VTI1A: variants seen among roughly 807,000 people sequenced by gnomAD.
The protein encoded by VTI1A is vesicle transport through interaction with t-SNAREs 1A.
Under a neutral mutation model 34.9 loss-of-function variants are expected in VTI1A, and 22 were observed. The observed-to-expected ratio is 0.63, with a 90% confidence interval of 0.45 to 0.90. VTI1A has a LOEUF of 0.90. VTI1A is among the 40% of genes least tolerant of loss of function. The probability of loss-of-function intolerance (pLI) is 0.00; values close to 1 mark genes in which losing one functional copy is unlikely to be tolerated. For synonymous variants in VTI1A, 87 were observed against 97.3 expected, an observed-to-expected ratio of 0.89 and a Z score of 0.62; for missense variants, 268 against 275.6, an observed-to-expected ratio of 0.97 and a Z score of 0.20.
chr10:112,562,005 T>TA (rs1437302863), intron 5 of VTI1A, among the ~76,000 whole-genome samples: 2 of 152,232 alleles, frequency 1.3e-5, no homozygotes, highest in Non-Finnish European at 2.9e-5. Flanking sequence ...GCCCCTGAGA[T>TA]ACAACTTTTT....
chr10:112,486,881 A>G (rs1204350623), intron 3 of VTI1A, among the ~76,000 whole-genome samples: 1 of 151,414 alleles, frequency 6.6e-6, no homozygotes. Context: ...TTCCACATCC[A>G]CATTCTTCTA....
In VTI1A at chr10:112,796,096, G is replaced by A. The variant is rs572356242; in HGVS notation, c.561-19194G>A. ...TTGGATTGCCAAGAAGCCAATATGG[G>A]GGATCTAAAAGCTGTCACGGGGCCA... is the stretch of plus-strand genomic sequence containing the variant. On this transcript the variant is annotated intron_variant, in intron 7 of 7. Transcript: ENST00000393077. 2.6e-5 allele frequency among the ~76,000 whole-genome samples: 4 copies of A among 152,154 alleles called. No homozygotes were observed. The South Asian group carries it at 8.3e-4, about 32-fold the overall frequency.
At chr10:112,603,501 G>A (rs1262950768) in intron 5 of VTI1A, among the ~76,000 whole-genome samples, 1 of 152,044 alleles carries the variant, frequency 6.6e-6, no homozygotes, top group Non-Finnish European at 1.5e-5. Flanking sequence ...AACCATTTCA[G>A]TAGTAATAGT....
At chr10:112,737,850 A>G (rs1850550222) in intron 7 of VTI1A, 2 of 1,059,786 alleles carry the variant, frequency 1.9e-6, no homozygotes, top group African/African-American at 1.6e-5. Flanking sequence ...TTTCCTGTTT[A>G]TCGTTGGTTT....
chr10:112,575,581 T>C (rs1373342931), intron 5 of VTI1A, among the ~76,000 whole-genome samples: 4 of 152,228 alleles, frequency 2.6e-5, no homozygotes, highest in Non-Finnish European at 5.9e-5. Context: ...TAGGGAAACA[T>C]GCTGGCTCTG....
chr10:112,759,240 G>A (rs1176990408), intron 7 of VTI1A, among the ~76,000 whole-genome samples: 1 of 152,284 alleles, frequency 6.6e-6, no homozygotes, highest in Middle Eastern at 3.4e-3. Context: ...TTCACCAGAG[G>A]AAGCCAGCTT....
intron 5 of VTI1A, among the ~76,000 whole-genome samples, chr10:112,569,752 T>G (rs1441434423): frequency 6.6e-6 from 1 of 152,174 alleles, no homozygotes; most frequent in Non-Finnish European, 1.5e-5. Flanking sequence ...AAAACACAGC[T>G]TCCTGGGTGC....
intron 7 of VTI1A, among the ~76,000 whole-genome samples, chr10:112,763,476 A>G (rs1346729890): frequency 1.3e-5 from 2 of 151,144 alleles, no homozygotes; most frequent in Non-Finnish European, 2.9e-5. Flanking sequence ...CCTTTGTTAC[A>G]AGTCTGATGT....
At chr10:112,707,279 C>T (rs1390077579) in intron 7 of VTI1A, among the ~76,000 whole-genome samples, 1 of 152,074 alleles carries the variant, frequency 6.6e-6, no homozygotes. Flanking sequence ...GGTGATCCTC[C>T]CATCTCAGCC....
intron 7 of VTI1A, among the ~76,000 whole-genome samples, chr10:112,707,872 G>GAAC (rs1466593330): frequency 1.3e-5 from 2 of 152,182 alleles, no homozygotes; most frequent in Non-Finnish European, 2.9e-5. Flanking sequence ...ATAAAAGTCT[G>GAAC]TTTGGTTCAT....
intron 5 of VTI1A, among the ~76,000 whole-genome samples, chr10:112,664,775 C>T (rs772759079): frequency 4.3e-4 from 65 of 152,098 alleles, no homozygotes; most frequent in Non-Finnish European, 7.4e-4. Context: ...TGTTTGAGAG[C>T]TCTACTCCCA....
rs140139908 is a variant in VTI1A at position 112,592,200 on chromosome 10, C to A, written c.427+53870C>A. ...CCACTGGAAATGAACACAGCCTGGG[C>A]AACACCTTGATCTTGGCCTTGTGAG... is the stretch of plus-strand genomic sequence containing the variant. On this transcript the variant is annotated intron_variant, in intron 5 of 7. Coordinates refer to ENST00000393077, the MANE Select transcript of VTI1A (RefSeq NM_145206.4). Among the ~76,000 whole-genome samples, 7 of 152,330 alleles carry A rather than the reference C, an allele frequency of 4.6e-5. No homozygotes were observed. The East Asian group carries it at 1.3e-3, about 29-fold the overall frequency.
intron 4 of VTI1A, among the ~76,000 whole-genome samples, chr10:112,529,258 G>A (rs11195986): frequency 6.6e-6 from 1 of 151,942 alleles, no homozygotes; most frequent in Admixed American, 6.5e-5. Context: ...CACACTGAAC[G>A]TTTTGGATAT....
chr10:112,600,717 T>C (rs1166082232), intron 5 of VTI1A, among the ~76,000 whole-genome samples: 1 of 152,240 alleles, frequency 6.6e-6, no homozygotes, highest in African/African-American at 2.4e-5. Flanking sequence ...TTGTCTCTGC[T>C]GTGTCTCTAG....
chr10:112,486,711 TAA>T (rs1564796541), intron 3 of VTI1A, among the ~76,000 whole-genome samples: 8 of 131,310 alleles, frequency 6.1e-5, no homozygotes, highest in Non-Finnish European at 1.1e-4. Context: ...CTGTATATTC[TAA>T]AGAATATACA....
At chr10:112,623,994 A>G (rs1845827264) in intron 5 of VTI1A, among the ~76,000 whole-genome samples, 1 of 152,204 alleles carries the variant, frequency 6.6e-6, no homozygotes, top group Admixed American at 6.5e-5. Context: ...CTCGGCTCCC[A>G]GTTGTCCATC....
At chr10:112,650,871 A>G (rs946362338) in intron 5 of VTI1A, among the ~76,000 whole-genome samples, 3 of 152,238 alleles carry the variant, frequency 2.0e-5, no homozygotes, top group African/African-American at 4.8e-5. Flanking sequence ...CATTAAATAC[A>G]TAGAAGATAT....
chr10:112,722,406 T>A (rs1020725082), intron 7 of VTI1A, among the ~76,000 whole-genome samples: 1 of 152,074 alleles, frequency 6.6e-6, no homozygotes, highest in African/African-American at 2.4e-5. Flanking sequence ...AAATACCTAA[T>A]GTAAATGACG....
At chr10:112,787,701 T>TC (rs202125145) in intron 7 of VTI1A, among the ~76,000 whole-genome samples, 1 of 86,902 alleles carries the variant, frequency 1.2e-5, no homozygotes, top group East Asian at 4.6e-4. Context: ...TTCTTTTCTT[T>TC]TTTTTTTTTT....
Sources: gnomAD v4.1 joint callset for allele counts (sites outside exome capture counted in the v4.1 genomes callset) on GRCh38, gnomAD v4.1.1 for gene constraint, MANE v1.5 for transcripts, NCBI Gene and HGNC (gene_info 2026-07-23, HGNC 2026-07-21) for gene names.